The following BCL2 variants were observed in gnomAD, a reference collection of about 807,000 sequenced individuals.
BCL2 encodes the protein BCL2 apoptosis regulator.
A neutral mutation model predicts 14.2 loss-of-function variants in BCL2; 1 was observed. That is an observed-to-expected ratio of 0.07 (90% CI 0.02 to 0.33). The LOEUF is 0.33. Among genes scored for constraint, BCL2 ranks in the 10% least tolerant of loss-of-function variants. The probability of loss-of-function intolerance (pLI) is 0.99; values close to 1 mark genes in which losing one functional copy is unlikely to be tolerated. For synonymous variants in BCL2, 151 were observed against 137.2 expected, an observed-to-expected ratio of 1.10 and a Z score of -0.70; for missense variants, 247 against 305.9, an observed-to-expected ratio of 0.81 and a Z score of 1.44.
intron 2 of BCL2, among the ~76,000 whole-genome samples, chr18:63,261,313 C>T (rs1246110730): frequency 6.6e-6 from 1 of 152,168 alleles, no homozygotes; most frequent in African/African-American, 2.4e-5. Context: ...CCCTTCCTCT[C>T]CTGGAGGAAG....
intron 2 of BCL2, among the ~76,000 whole-genome samples, chr18:63,262,081 A>AT (rs35818172): frequency 0.46 from 68,066 of 149,272 alleles, 15,607 homozygotes; most frequent in East Asian, 0.62. Context: ...CGCCCAGCCA[A>AT]TTTTTTTATA....
intron 2 of BCL2, among the ~76,000 whole-genome samples, chr18:63,214,495 T>C (rs1910143175): frequency 6.6e-6 from 1 of 152,238 alleles, no homozygotes; most frequent in Non-Finnish European, 1.5e-5. Flanking sequence ...CTGTGTATTT[T>C]CAAGGTTGAC....
chr18:63,261,693 ATGTCCT>A (rs1911663611), intron 2 of BCL2, among the ~76,000 whole-genome samples: 1 of 152,196 alleles, frequency 6.6e-6, no homozygotes, highest in Non-Finnish European at 1.5e-5. Context: ...GAAAAATAAA[ATGTCCT>A]ATCCTGTCTT....
intron 2 of BCL2, among the ~76,000 whole-genome samples, chr18:63,138,198 C>CCGCACTGG (rs1479379762): frequency 6.6e-6 from 1 of 152,262 alleles, no homozygotes; most frequent in African/African-American, 2.4e-5. Flanking sequence ...GGGGAGCAAG[C>CCGCACTGG]CGCACTGGCG....
intron 2 of BCL2, among the ~76,000 whole-genome samples, chr18:63,298,441 A>C (rs901508419): frequency 3.3e-5 from 5 of 152,172 alleles, no homozygotes; most frequent in African/African-American, 1.2e-4. Context: ...TTAGCTAGCT[A>C]TGTTGATGGC....
intron 2 of BCL2, among the ~76,000 whole-genome samples, chr18:63,158,223 G>A (rs1412669993): frequency 6.6e-6 from 1 of 152,184 alleles, no homozygotes; most frequent in East Asian, 1.9e-4. Flanking sequence ...GGAAGTAATA[G>A]GGGAGTGGAT....
intron 2 of BCL2, among the ~76,000 whole-genome samples, chr18:63,244,315 T>C (rs1313475452): frequency 6.6e-6 from 1 of 151,864 alleles, no homozygotes; most frequent in African/African-American, 2.4e-5. Context: ...GAGGCGGAGG[T>C]TGCAGTGAGC....
chr18:63,303,149 C>T (rs113331501), intron 2 of BCL2, among the ~76,000 whole-genome samples: 78 of 152,222 alleles, frequency 5.1e-4, no homozygotes, highest in African/African-American at 1.9e-3. Context: ...ACTTTCCCCA[C>T]CTTTTTATTA....
At chr18:63,184,349 G>A (rs1915543038) in intron 2 of BCL2, among the ~76,000 whole-genome samples, 1 of 152,244 alleles carries the variant, frequency 6.6e-6, no homozygotes, top group African/African-American at 2.4e-5. Flanking sequence ...GGCCAGGCAA[G>A]CATGAATATT....
chr18:63,128,496 GT>G lies in BCL2; in HGVS notation c.*128del. 1.6e-6 allele frequency: 1 copy of G among 634,670 alleles called. No homozygotes were observed. Among genetic ancestry groups the G allele is most frequent in the Non-Finnish European group, 2.9e-6 (1 of 342,464 alleles). The allele number at this position is 634,670 out of a possible 1,614,324, so 39.3% of individuals were successfully genotyped here. ...GTGTGTGTCTGTCTGTGTGTGTGAT[GT>G]TTATATGTGTGTTATTTTTTCTTAA... is the stretch of plus-strand genomic sequence containing the variant. On this transcript the variant is annotated 3_prime_UTR_variant, in exon 3 of 3. Coordinates refer to ENST00000333681, the MANE Select transcript of BCL2 (RefSeq NM_000633.3).
intron 2 of BCL2, among the ~76,000 whole-genome samples, chr18:63,195,450 T>C (rs1309401003): frequency 6.6e-6 from 1 of 152,216 alleles, no homozygotes; most frequent in Non-Finnish European, 1.5e-5. Context: ...TAAAGTACTA[T>C]GCTCACAACT....
At chr18:63,213,875 C>T (rs1247818274) in intron 2 of BCL2, among the ~76,000 whole-genome samples, 2 of 152,110 alleles carry the variant, frequency 1.3e-5, no homozygotes, top group Non-Finnish European at 2.9e-5. Flanking sequence ...CACAAGGAAG[C>T]CCCAGGCCCT....
chr18:63,196,065 C>G (rs1273128514), intron 2 of BCL2, among the ~76,000 whole-genome samples: 1 of 152,196 alleles, frequency 6.6e-6, no homozygotes, highest in African/African-American at 2.4e-5. Flanking sequence ...GGACAATTCT[C>G]TATTTTACCT....
intron 2 of BCL2, among the ~76,000 whole-genome samples, chr18:63,312,475 A>G (rs1913360345): frequency 1.3e-5 from 2 of 152,256 alleles, no homozygotes; most frequent in South Asian, 4.1e-4. Flanking sequence ...ATCTATAAAA[A>G]TATGTTTTTA....
rs1388391533 is a variant in BCL2, at chr18:63,132,120, G to T, written c.586-3361C>A. On this transcript the variant is annotated intron_variant, in intron 2 of 2. Coordinates refer to ENST00000333681, the MANE Select transcript of BCL2 (RefSeq NM_000633.3). ...AGAGATGCTGTTGCCATCCCAGGGGGCTGAGAAGGGCATGGGACTTGGAGG... is the reference window on the plus strand; with the variant it reads ...AGAGATGCTGTTGCCATCCCAGGGGTCTGAGAAGGGCATGGGACTTGGAGG... Among the ~76,000 whole-genome samples, 6 of 152,232 alleles carry T rather than the reference G, an allele frequency of 3.9e-5. No individual in the cohort carries two copies. The East Asian group carries it at 5.8e-4, about 15-fold the overall frequency.
At chr18:63,140,353 C>T (rs1914322655) in intron 2 of BCL2, among the ~76,000 whole-genome samples, 1 of 152,214 alleles carries the variant, frequency 6.6e-6, no homozygotes. Context: ...CAAATGTTCA[C>T]ATCAGCATTA....
chr18:63,306,104 A>T (rs1913124533), intron 2 of BCL2, among the ~76,000 whole-genome samples: 1 of 152,130 alleles, frequency 6.6e-6, no homozygotes, highest in African/African-American at 2.4e-5. Flanking sequence ...AAACAAACAA[A>T]AAACACAAAA....
At chr18:63,134,511 C>T (rs376510440) in intron 2 of BCL2, among the ~76,000 whole-genome samples, 15 of 152,226 alleles carry the variant, frequency 9.9e-5, no homozygotes, top group African/African-American at 3.4e-4. Context: ...GGTTCAGGCC[C>T]CGAGCTCAGT....
At chr18:63,309,961 C>T (rs1454159702) in intron 2 of BCL2, among the ~76,000 whole-genome samples, 1 of 152,112 alleles carries the variant, frequency 6.6e-6, no homozygotes, top group Non-Finnish European at 1.5e-5. Flanking sequence ...CTCCTGGGTT[C>T]AAGCAATTCT....
Sources: gnomAD v4.1 joint callset for allele counts (sites outside exome capture counted in the v4.1 genomes callset) on GRCh38, gnomAD v4.1.1 for gene constraint, MANE v1.5 for transcripts, NCBI Gene and HGNC (gene_info 2026-07-23, HGNC 2026-07-21) for gene names.